Variants in KSR2 observed in about 807,000 individuals in gnomAD.
KSR2 encodes kinase suppressor of ras 2.
Under a neutral mutation model 107.8 loss-of-function variants are expected in KSR2, and 25 were observed. The ratio of observed to expected loss-of-function variants is 0.23; its 90% CI spans 0.17 to 0.32. The LOEUF (loss-of-function observed/expected upper bound fraction) is 0.32. Among genes scored for constraint, KSR2 ranks in the 10% least tolerant of loss-of-function variants. The probability of loss-of-function intolerance (pLI) is 1.00; values close to 1 mark genes in which losing one functional copy is unlikely to be tolerated. For synonymous variants in KSR2, 480 were observed against 507.0 expected, an observed-to-expected ratio of 0.95 and a Z score of 0.71; for missense variants, 887 against 1,268.9, an observed-to-expected ratio of 0.70 and a Z score of 4.57.
chr12:117,924,596 A>AG, intron 1 of KSR2, among the ~76,000 whole-genome samples: 1 of 146,972 alleles, frequency 6.8e-6, no homozygotes, highest in Non-Finnish European at 1.5e-5. Context: ...AAAAAAAAAA[A>AG]GAAAGAAAGA....
chr12:117,955,942 C>T (rs1593402776), intron 1 of KSR2, among the ~76,000 whole-genome samples: 1 of 151,482 alleles, frequency 6.6e-6, no homozygotes, highest in Non-Finnish European at 1.5e-5. Flanking sequence ...ATCATTTTAA[C>T]ATGTCAATAT....
At chr12:117,477,848 T>C (rs78544247) in intron 16 of KSR2, among the ~76,000 whole-genome samples, 2,172 of 152,340 alleles carry the variant, frequency 0.014, 57 homozygotes, top group African/African-American at 0.05. Flanking sequence ...AATGCTGCCA[T>C]GAACATCTTT....
chr12:117,923,971 G>A lies in KSR2; in HGVS notation c.180+44105C>T, dbSNP rs535078807. Among the ~76,000 whole-genome samples the A allele has an allele frequency of 5.4e-5, 8 of 149,214 alleles. No homozygotes were observed. The East Asian group carries it at 1.6e-3, about 30-fold the overall frequency. On this transcript the variant is annotated intron_variant, in intron 1 of 19. Coordinates refer to ENST00000339824, the MANE Select transcript of KSR2 (RefSeq NM_173598.6). ...TCGGCTCACCACAACTTCCACTTCC[G>A]GGGTTCAAGTGAATCTCCTGCCTCA...
intron 5 of KSR2, among the ~76,000 whole-genome samples, chr12:117,658,868 G>A (rs947147010): frequency 6.6e-6 from 1 of 152,144 alleles, no homozygotes; most frequent in Non-Finnish European, 1.5e-5. Context: ...GCAACCTGGT[G>A]TCTGAAGGCG....
chr12:117,936,082 G>A (rs764125893), intron 1 of KSR2, among the ~76,000 whole-genome samples: 6 of 151,848 alleles, frequency 4.0e-5, no homozygotes, highest in Non-Finnish European at 5.9e-5. Flanking sequence ...TGTCACCCAG[G>A]CTGGAGTACA....
At chr12:117,530,145 G>A (rs948809155) in intron 12 of KSR2, among the ~76,000 whole-genome samples, 19 of 152,168 alleles carry the variant, frequency 1.2e-4, no homozygotes, top group African/African-American at 3.9e-4. Context: ...TATATTGTGG[G>A]TCATAACTAT....
At chr12:117,756,842 G>A (rs1888810892) in intron 4 of KSR2, among the ~76,000 whole-genome samples, 2 of 152,114 alleles carry the variant, frequency 1.3e-5, no homozygotes, top group Admixed American at 6.6e-5. Flanking sequence ...ATCACCTGAG[G>A]TCAGGAATTT....
chr12:117,792,758 C>A (rs1323281003), intron 3 of KSR2, among the ~76,000 whole-genome samples: 1 of 152,210 alleles, frequency 6.6e-6, no homozygotes, highest in East Asian at 1.9e-4. Context: ...TGCACCCAAT[C>A]ATAAAAATAA....
At position 117,907,274 on chromosome 12, in the gene KSR2, C is replaced by G. The variant is rs954031607; in HGVS notation, c.181-46843G>C. ...ATGAGCCATTACACCAAACTGCCTT[C>G]GTTCTGGATGGGGGCGTCCTGACAT... On this transcript the variant is annotated intron_variant, in intron 1 of 19. Transcript: ENST00000339824. The surrounding 1 kb of genome is among the most constrained non-coding windows in gnomAD (Gnocchi z 4.3). Among the ~76,000 whole-genome samples the G allele has an allele frequency of 2.0e-5, 3 of 152,176 alleles. No homozygotes were observed. Among genetic ancestry groups the G allele is most frequent in the Admixed American group, 1.3e-4 (2 of 15,276 alleles).
intron 5 of KSR2, among the ~76,000 whole-genome samples, chr12:117,629,292 G>A (rs1435798849): frequency 6.6e-6 from 1 of 152,220 alleles, no homozygotes. Context: ...CGATCATGCT[G>A]GGAGCTGCAG....
intron 4 of KSR2, among the ~76,000 whole-genome samples, chr12:117,688,195 C>T (rs1296999056): frequency 6.6e-6 from 1 of 152,178 alleles, no homozygotes; most frequent in East Asian, 1.9e-4. Flanking sequence ...GCCTGGCCAA[C>T]ATGGTAAAAC....
chr12:117,477,679 A>T (rs909234976), intron 16 of KSR2, among the ~76,000 whole-genome samples: 2 of 152,234 alleles, frequency 1.3e-5, no homozygotes, highest in African/African-American at 4.8e-5. Flanking sequence ...GGAAGTTAGG[A>T]CAAAGTTCCA....
At chr12:117,935,407 T>G (rs967561535) in intron 1 of KSR2, among the ~76,000 whole-genome samples, 1 of 152,196 alleles carries the variant, frequency 6.6e-6, no homozygotes, top group Admixed American at 6.5e-5. Flanking sequence ...CCACTCTTCC[T>G]CTGCTCAAAA....
At chr12:117,882,166 G>A (rs1469462186) in intron 1 of KSR2, among the ~76,000 whole-genome samples, 1 of 152,200 alleles carries the variant, frequency 6.6e-6, no homozygotes, top group Admixed American at 6.5e-5. Context: ...GACGTGCACA[G>A]CTCCCTCAGC....
At position 117,760,588 on chromosome 12, in the gene KSR2, G is replaced by A. The variant is rs139463931; in HGVS notation, c.986+423C>T. ...TGCCTCATATCCTATTTCTAGGAGC[G>A]GCACTAGGCTAGACTCTGCAGGGGT... On this transcript the variant is annotated intron_variant, in intron 4 of 19. Transcript: ENST00000339824. Among the ~76,000 whole-genome samples the A allele has an allele frequency of 3.0e-3, 454 of 152,184 alleles. 3 individuals carry two copies. In the Middle Eastern group the frequency reaches 0.031, roughly 10 times the overall value.
intron 1 of KSR2, among the ~76,000 whole-genome samples, chr12:117,878,817 T>C (rs1419877127): frequency 2.0e-5 from 3 of 152,166 alleles, no homozygotes; most frequent in African/African-American, 7.2e-5. Context: ...GGCTGTTCCA[T>C]CTAGAGCTGC....
At chr12:117,708,479 C>G (rs551738248) in intron 4 of KSR2, among the ~76,000 whole-genome samples, 3 of 152,164 alleles carry the variant, frequency 2.0e-5, no homozygotes, top group African/African-American at 7.2e-5. Flanking sequence ...AATCACCATG[C>G]CTCATCACTT....
intron 3 of KSR2, among the ~76,000 whole-genome samples, chr12:117,823,116 T>G (rs79632276): frequency 0.05 from 6,794 of 135,518 alleles, 219 homozygotes; most frequent in Non-Finnish European, 0.076. Flanking sequence ...TTCAAGGAAC[T>G]CAAAAAAAAA....
intron 3 of KSR2, among the ~76,000 whole-genome samples, chr12:117,765,734 G>A (rs1195911711): frequency 6.6e-6 from 1 of 152,180 alleles, no homozygotes; most frequent in Admixed American, 6.5e-5. Context: ...AGGGCACAGA[G>A]ACAAAACAAG....
Sources: gnomAD v4.1 joint callset for allele counts (sites outside exome capture counted in the v4.1 genomes callset) on GRCh38, gnomAD v4.1.1 for gene constraint, Gnocchi (gnomAD v3.1) non-coding constraint, MANE v1.5 for transcripts, NCBI Gene and HGNC (gene_info 2026-07-23, HGNC 2026-07-21) for gene names.